AGBL1: variants seen among roughly 807,000 people sequenced by gnomAD.
The protein encoded by AGBL1 is cytosolic carboxypeptidase 4.
A neutral mutation model predicts 118.9 loss-of-function variants in AGBL1; 130 were observed. That is an observed-to-expected ratio of 1.09 (90% CI 0.95 to 1.26). The LOEUF is 1.26. AGBL1 is among the 50% of genes most tolerant of loss of function. The probability of loss-of-function intolerance (pLI) is 0.00; values close to 1 mark genes in which losing one functional copy is unlikely to be tolerated. For synonymous variants in AGBL1, 555 were observed against 478.9 expected (o/e 1.16, Z -2.08); for missense variants, 1,584 against 1,298.1 (o/e 1.22, Z -3.38).
intron 18 of AGBL1, among the ~76,000 whole-genome samples, chr15:86,448,138 C>G (rs2082148064): frequency 1.3e-5 from 2 of 152,092 alleles, no homozygotes; most frequent in African/African-American, 4.8e-5. Context: ...GAGCAAGACC[C>G]TGTCTCAAAA....
At chr15:86,231,551 C>G (rs938262814) in intron 6 of AGBL1, among the ~76,000 whole-genome samples, 1 of 152,220 alleles carries the variant, frequency 6.6e-6, no homozygotes, top group African/African-American at 2.4e-5. Context: ...GCATAGCAAG[C>G]TATATCCATC....
chr15:86,604,797 C>CTT (rs56780270), intron 21 of AGBL1, among the ~76,000 whole-genome samples: 9 of 132,036 alleles, frequency 6.8e-5, no homozygotes, highest in Non-Finnish European at 9.9e-5. Context: ...TCTTTTCTTT[C>CTT]TTTTTTTTTT....
chr15:87,015,281 C>A (rs149845062), intron 24 of AGBL1, among the ~76,000 whole-genome samples: 117 of 152,258 alleles, frequency 7.7e-4, no homozygotes, highest in African/African-American at 2.7e-3. Context: ...GGTTCTCCAG[C>A]CTGTGATAAT....
At chr15:86,991,619 G>A (rs532034288) in intron 24 of AGBL1, among the ~76,000 whole-genome samples, 143 of 152,216 alleles carry the variant, frequency 9.4e-4, no homozygotes, top group African/African-American at 3.0e-3. Flanking sequence ...GACCATGGAG[G>A]GCTCTGAGGA....
intron 5 of AGBL1, among the ~76,000 whole-genome samples, chr15:86,219,883 G>A (rs1327855001): frequency 1.3e-5 from 2 of 149,246 alleles, no homozygotes; most frequent in African/African-American, 4.9e-5. Context: ...AAAGTAGAGA[G>A]AAGACTTTAG....
chr15:86,270,048 CA>C lies in AGBL1; in HGVS notation c.1970del (p.Asn657ThrfsTer15). 6.2e-7 allele frequency: 1 copy of C among 1,612,392 alleles called. No homozygotes were observed. The highest frequency in any genetic ancestry group is 8.5e-7 in the Non-Finnish European group (1 of 1,179,284). On this transcript the variant is annotated frameshift_variant, in exon 14 of 23. Coordinates refer to ENST00000614907, the MANE Select transcript of AGBL1 (RefSeq NM_001386094.1). LOFTEE classifies it high-confidence loss of function. ...HFNIINCEKP[N>X]SQFNYGMQPT... is the part of the protein sequence containing the mutation. ...TCAACATCATCAACTGTGAGAAGCC[CA>C]ACAGCCAGTTTAATTATGGTATGAA...
intron 21 of AGBL1, among the ~76,000 whole-genome samples, chr15:86,557,933 A>C (rs1172912448): frequency 6.6e-6 from 1 of 152,152 alleles, no homozygotes; most frequent in Non-Finnish European, 1.5e-5. Flanking sequence ...ATCAGATGCC[A>C]TTCTGAAATG....
At chr15:86,767,675 A>G (rs2078115737) in intron 22 of AGBL1, among the ~76,000 whole-genome samples, 1 of 151,988 alleles carries the variant, frequency 6.6e-6, no homozygotes. Flanking sequence ...CTTATAGTAG[A>G]GAAAACTGAG....
intron 22 of AGBL1, among the ~76,000 whole-genome samples, chr15:86,791,129 G>A (rs16977988): frequency 0.056 from 8,534 of 152,210 alleles, 429 homozygotes; most frequent in Admixed American, 0.17. Context: ...ACACACGAAC[G>A]TAAAATGATT....
At chr15:86,085,253 G>T (rs1056718921) in intron 1 of AGBL1, among the ~76,000 whole-genome samples, 3 of 152,176 alleles carry the variant, frequency 2.0e-5, no homozygotes, top group Non-Finnish European at 4.4e-5. Flanking sequence ...GCAGGGGGAG[G>T]TACATTTACC....
At chr15:86,235,399 A>C (rs549448180) in intron 6 of AGBL1, among the ~76,000 whole-genome samples, 8 of 152,334 alleles carry the variant, frequency 5.3e-5, no homozygotes, top group Admixed American at 3.3e-4. Flanking sequence ...CTAGGGAATC[A>C]AAGGTTAATA....
At chr15:86,654,601 T>C (rs1243228082) in intron 21 of AGBL1, among the ~76,000 whole-genome samples, 2 of 152,182 alleles carry the variant, frequency 1.3e-5, no homozygotes, top group African/African-American at 4.8e-5. Flanking sequence ...AAGTTTCATG[T>C]TTAGAATCCA....
At chr15:86,429,298 T>C (rs556337146) in intron 18 of AGBL1, among the ~76,000 whole-genome samples, 1 of 152,318 alleles carries the variant, frequency 6.6e-6, no homozygotes, top group Admixed American at 6.5e-5. Flanking sequence ...CCAGGGCCAG[T>C]CTTATGGCAA....
intron 22 of AGBL1, among the ~76,000 whole-genome samples, chr15:86,900,839 A>G (rs2080202462): frequency 6.6e-6 from 1 of 152,126 alleles, no homozygotes; most frequent in African/African-American, 2.4e-5. Flanking sequence ...AGACTGTGCT[A>G]CCCTTCAGCA....
At chr15:86,526,544 G>GTGTGTGTATA (rs754816154) in intron 19 of AGBL1, among the ~76,000 whole-genome samples, 38 of 119,442 alleles carry the variant, frequency 3.2e-4, no homozygotes, top group East Asian at 2.7e-3. Flanking sequence ...TTGTGTCTGT[G>GTGTGTGTATA]TATATATATA....
intron 18 of AGBL1, among the ~76,000 whole-genome samples, chr15:86,467,242 C>T (rs1022157565): frequency 4.6e-5 from 7 of 152,184 alleles, no homozygotes; most frequent in Admixed American, 2.0e-4. Flanking sequence ...TCCGCCCAGT[C>T]CGAACTTCCT....
chr15:86,658,796 G>T (rs890526820), intron 21 of AGBL1, among the ~76,000 whole-genome samples: 1 of 152,064 alleles, frequency 6.6e-6, no homozygotes, highest in African/African-American at 2.4e-5. Flanking sequence ...ATGTGTTTGG[G>T]GTTTGATTTA....
At chr15:86,544,435 C>G (rs1337744110) in intron 19 of AGBL1, among the ~76,000 whole-genome samples, 1 of 152,168 alleles carries the variant, frequency 6.6e-6, no homozygotes, top group Non-Finnish European at 1.5e-5. Context: ...CTGTATTAGT[C>G]TGTTCTTATG....
At chr15:86,540,051 A>C (rs1430738959) in intron 19 of AGBL1, among the ~76,000 whole-genome samples, 1 of 152,230 alleles carries the variant, frequency 6.6e-6, no homozygotes, top group African/African-American at 2.4e-5. Context: ...AAACTTGGGC[A>C]AGTTACTTAT....
Sources: allele counts gnomAD v4.1 joint callset (sites outside exome capture counted in the v4.1 genomes callset), GRCh38; gene constraint gnomAD v4.1.1; transcripts MANE v1.5; gene names NCBI Gene and HGNC (gene_info 2026-07-23, HGNC 2026-07-21).